PTPRD: variants seen among roughly 807,000 people sequenced by gnomAD.
PTPRD encodes receptor-type tyrosine-protein phosphatase delta.
In PTPRD, 34 loss-of-function variants were observed where a neutral mutation model predicts 214.5. That is an observed-to-expected ratio of 0.16 (90% CI 0.12 to 0.21). PTPRD has a LOEUF of 0.21. Among genes scored for constraint, PTPRD ranks in the 10% least tolerant of loss-of-function variants. The pLI, the probability that PTPRD is intolerant of heterozygous loss-of-function variation, is 1.00. For synonymous variants in PTPRD, 1,128 were observed against 845.7 expected (o/e 1.33, Z -5.79); for missense variants, 2,545 against 2,398.7 (o/e 1.06, Z -1.27).
At chr9:9,239,393 G>C (rs2099969159) in intron 9 of PTPRD, among the ~76,000 whole-genome samples, 1 of 152,242 alleles carries the variant, frequency 6.6e-6, no homozygotes, top group African/African-American at 2.4e-5. Context: ...GGGATTGCTG[G>C]TTAGACAGGT....
intron 44 of PTPRD, among the ~76,000 whole-genome samples, chr9:8,321,524 T>TA (rs1223945426): frequency 1.6e-5 from 2 of 127,044 alleles, no homozygotes; most frequent in African/African-American, 5.7e-5. Context: ...TATATATATA[T>TA]ATAAAAGGTA....
intron 3 of PTPRD, among the ~76,000 whole-genome samples, chr9:10,301,374 A>G (rs918451987): frequency 3.3e-5 from 5 of 152,200 alleles, no homozygotes; most frequent in Non-Finnish European, 7.3e-5. Flanking sequence ...ACAAGAGATT[A>G]CAGCTCCTCA....
At chr9:9,232,023 C>A (rs747903767) in intron 9 of PTPRD, among the ~76,000 whole-genome samples, 3 of 152,114 alleles carry the variant, frequency 2.0e-5, no homozygotes, top group Non-Finnish European at 4.4e-5. Flanking sequence ...CTTTATGATT[C>A]TATTTCACAC....
intron 2 of PTPRD, among the ~76,000 whole-genome samples, chr9:10,497,453 T>G (rs1173065673): frequency 1.3e-5 from 2 of 152,088 alleles, no homozygotes; most frequent in Non-Finnish European, 2.9e-5. Context: ...ACACAGTTCA[T>G]GCTCAAGAAA....
intron 9 of PTPRD, among the ~76,000 whole-genome samples, chr9:9,297,833 G>A (rs1194155308): frequency 1.3e-5 from 2 of 151,518 alleles, no homozygotes; most frequent in Non-Finnish European, 3.0e-5. Context: ...CATTGGCAGT[G>A]GGGACTTACA....
At chr9:9,318,384 T>A (rs1162332271) in intron 9 of PTPRD, among the ~76,000 whole-genome samples, 7 of 152,174 alleles carry the variant, frequency 4.6e-5, no homozygotes, top group Admixed American at 4.6e-4. Flanking sequence ...ACTGATATTT[T>A]TTAAAGTCAA....
intron 3 of PTPRD, among the ~76,000 whole-genome samples, chr9:10,247,196 A>G (rs2092246628): frequency 2.0e-5 from 3 of 152,174 alleles, no homozygotes; most frequent in Non-Finnish European, 1.5e-5. Flanking sequence ...TGAGAAACCT[A>G]CATACCTAGA....
intron 7 of PTPRD, among the ~76,000 whole-genome samples, chr9:9,630,379 C>T (rs937703437): frequency 6.6e-6 from 1 of 152,100 alleles, no homozygotes; most frequent in African/African-American, 2.4e-5. Flanking sequence ...AAGGAGAAGG[C>T]AGGGAGAGGA....
intron 2 of PTPRD, among the ~76,000 whole-genome samples, chr9:10,504,963 A>G (rs924651433): frequency 6.6e-6 from 1 of 152,200 alleles, no homozygotes; most frequent in African/African-American, 2.4e-5. Context: ...ATCTGCTACA[A>G]CATTGGCTCT....
chr9:9,674,426 G>A (rs2096890600), intron 7 of PTPRD, among the ~76,000 whole-genome samples: 5 of 151,368 alleles, frequency 3.3e-5, no homozygotes, highest in African/African-American at 9.7e-5. Flanking sequence ...AAGAAAAAAT[G>A]GAAGAGAAAA....
chr9:9,905,573 A>G (rs559966005), intron 5 of PTPRD, among the ~76,000 whole-genome samples: 1 of 152,032 alleles, frequency 6.6e-6, no homozygotes, highest in Non-Finnish European at 1.5e-5. Context: ...AACTATACAC[A>G]TGTGTTCATA....
At chr9:10,331,744 A>T (rs2096754475) in intron 3 of PTPRD, among the ~76,000 whole-genome samples, 1 of 151,888 alleles carries the variant, frequency 6.6e-6, no homozygotes, top group African/African-American at 2.4e-5. Flanking sequence ...ATGCAGATTG[A>T]TATCTAAAAA....
intron 3 of PTPRD, among the ~76,000 whole-genome samples, chr9:10,108,341 C>G (rs1180412067): frequency 6.6e-6 from 1 of 152,040 alleles, no homozygotes; most frequent in Non-Finnish European, 1.5e-5. Context: ...AATCTACTCT[C>G]TTTGCAATTT....
chr9:8,710,969 T>G (rs768903606), intron 12 of PTPRD, among the ~76,000 whole-genome samples: 1 of 152,116 alleles, frequency 6.6e-6, no homozygotes, highest in Non-Finnish European at 1.5e-5. Flanking sequence ...TCTACTAAGT[T>G]TGGGAAATTA....
intron 5 of PTPRD, among the ~76,000 whole-genome samples, chr9:9,775,098 C>T (rs1216102846): frequency 2.6e-5 from 4 of 152,158 alleles, no homozygotes; most frequent in Admixed American, 1.3e-4. Context: ...GAGTCGAATG[C>T]TCCATTATCA....
At chr9:8,883,803 G>A (rs1343073818) in intron 11 of PTPRD, among the ~76,000 whole-genome samples, 2 of 152,184 alleles carry the variant, frequency 1.3e-5, no homozygotes, top group Admixed American at 1.3e-4. Context: ...ATCTAACAGA[G>A]TGGACCTCTG....
At position 8,439,133 on chromosome 9, in the gene PTPRD, G is replaced by A. The variant is rs146615100; in HGVS notation, c.3989-2444C>T. The stretch of plus-strand genomic sequence containing the variant: ...ATTTCTAAGACAAGTAAAAATGGCA[G>A]ATGGATGTTTCACAGAAAAGGGAGG... On this transcript the variant is annotated intron_variant, in intron 34 of 45. Transcript: ENST00000381196. Among the ~76,000 whole-genome samples the A allele has an allele frequency of 8.3e-4, 127 of 152,298 alleles. 1 individual carries two copies. Among genetic ancestry groups the A allele is most frequent in the African/African-American group, 2.8e-3 (117 of 41,558 alleles).
At chr9:10,155,974 AAG>A (rs2099089998) in intron 3 of PTPRD, among the ~76,000 whole-genome samples, 1 of 151,800 alleles carries the variant, frequency 6.6e-6, no homozygotes, top group African/African-American at 2.4e-5. Context: ...TGAGTTAGGG[AAG>A]AGTCATTTCT....
intron 10 of PTPRD, among the ~76,000 whole-genome samples, chr9:9,064,193 CTG>C (rs1195394939): frequency 6.6e-6 from 1 of 152,106 alleles, no homozygotes; most frequent in Non-Finnish European, 1.5e-5. Flanking sequence ...TTCTCAGCAT[CTG>C]TAGTTTCAAC....
Sources: gnomAD v4.1 joint callset for allele counts (sites outside exome capture counted in the v4.1 genomes callset) on GRCh38, gnomAD v4.1.1 for gene constraint, MANE v1.5 for transcripts, NCBI Gene and HGNC (gene_info 2026-07-23, HGNC 2026-07-21) for gene names.